The following PPP1R12B variants were observed in gnomAD, a reference collection of about 807,000 sequenced individuals.
PPP1R12B encodes the protein myosin phosphatase target subunit 2.
PPP1R12B carries 76 observed loss-of-function variants against 126.1 expected under a neutral mutation model. The observed-to-expected ratio is 0.60, with a 90% CI of 0.50 to 0.73. The LOEUF is 0.73. Among genes scored for constraint, PPP1R12B ranks in the 30% least tolerant of loss-of-function variants. The pLI is 0.00. For missense variants in PPP1R12B, 1,052 were observed against 1,205.1 expected, an observed-to-expected ratio of 0.87 and a Z score of 1.88; for synonymous variants, 356 against 434.7, an observed-to-expected ratio of 0.82 and a Z score of 2.25.
intron 18 of PPP1R12B, among the ~76,000 whole-genome samples, chr1:202,535,663 A>G (rs1392713147): frequency 3.9e-5 from 6 of 152,238 alleles, no homozygotes; most frequent in Non-Finnish European, 7.3e-5. Context: ...CCTACAAGAA[A>G]TAAAATAGAT....
At chr1:202,437,170 A>C (rs1670936735) in intron 9 of PPP1R12B, among the ~76,000 whole-genome samples, 1 of 152,044 alleles carries the variant, frequency 6.6e-6, no homozygotes, top group Non-Finnish European at 1.5e-5. Flanking sequence ...TCTCTACTAA[A>C]ATTTAGAGAA....
At chr1:202,402,848 T>C (rs1479399016) in intron 1 of PPP1R12B, among the ~76,000 whole-genome samples, 2 of 152,216 alleles carry the variant, frequency 1.3e-5, no homozygotes, top group East Asian at 1.9e-4. Context: ...TATGTAAATT[T>C]TACTTCAAAA....
At chr1:202,385,006 T>A (rs1662906567) in intron 1 of PPP1R12B, among the ~76,000 whole-genome samples, 1 of 152,276 alleles carries the variant, frequency 6.6e-6, no homozygotes, top group African/African-American at 2.4e-5. Context: ...TTTAATTGAT[T>A]ATTCTCAAAC....
chr1:202,402,437 A>T (rs546324138), intron 1 of PPP1R12B, among the ~76,000 whole-genome samples: 1 of 152,316 alleles, frequency 6.6e-6, no homozygotes, highest in African/African-American at 2.4e-5. Context: ...AGTTTGGACT[A>T]CAGGCTATGT....
intron 12 of PPP1R12B, among the ~76,000 whole-genome samples, chr1:202,443,962 C>T (rs534357441): frequency 6.6e-6 from 1 of 152,322 alleles, no homozygotes; most frequent in South Asian, 2.1e-4. Context: ...ATGATATGAG[C>T]ACTTTTTGAG....
rs373023993 is a variant in PPP1R12B, at chr1:202,421,418, C to T, written c.423-1202C>T. Among the ~76,000 whole-genome samples the T allele has an allele frequency of 5.3e-3, 797 of 150,956 alleles. 5 individuals carry two copies. Among genetic ancestry groups the T allele is most frequent in the African/African-American group, 0.018 (729 of 41,134 alleles). Reference sequence around the variant, plus strand: ...TTGGGAGGCCGAGGCGGGCGGACTACTTGAGGTCTGGAGTTCAAGACCAGC... The same window carrying T: ...TTGGGAGGCCGAGGCGGGCGGACTATTTGAGGTCTGGAGTTCAAGACCAGC... On this transcript the variant is annotated intron_variant, in intron 2 of 23. Coordinates refer to ENST00000608999, the MANE Select transcript of PPP1R12B (RefSeq NM_002481.4).
In PPP1R12B at chr1:202,582,331, C is replaced by T. The variant is rs1017222747; in HGVS notation, c.*1771C>T. Reference sequence around the variant, plus strand: ...ATACAAATCCAGTGCAAAATTAAACCATTAGTTCTTGATGATAACCTAGCA... The same window carrying T: ...ATACAAATCCAGTGCAAAATTAAACTATTAGTTCTTGATGATAACCTAGCA... On this transcript the variant is annotated 3_prime_UTR_variant, in exon 24 of 24. Transcript: ENST00000608999. 7 of 152,550 alleles carry T rather than the reference C, an allele frequency of 4.6e-5. No individual in the cohort carries two copies. Among genetic ancestry groups the T allele is most frequent in the African/African-American group, 1.7e-4 (7 of 41,400 alleles). 9.4% of individuals were successfully genotyped at this position (152,550 alleles called of 1,614,324 possible).
intron 14 of PPP1R12B, among the ~76,000 whole-genome samples, chr1:202,489,622 T>C (rs575254627): frequency 2.0e-5 from 3 of 152,318 alleles, no homozygotes; most frequent in African/African-American, 4.8e-5. Flanking sequence ...CCATATATTA[T>C]ATGATTCCAT....
chr1:202,540,049 G>A (rs1189279721), intron 18 of PPP1R12B: 14 of 1,431,456 alleles, frequency 9.8e-6, no homozygotes, highest in Non-Finnish European at 1.1e-5. Context: ...AACTCAAAAG[G>A]AGAGATTCTG....
intron 1 of PPP1R12B, among the ~76,000 whole-genome samples, chr1:202,360,649 C>T (rs1267155581): frequency 6.6e-6 from 1 of 150,494 alleles, no homozygotes; most frequent in Non-Finnish European, 1.5e-5. Flanking sequence ...GTAGAGGTTG[C>T]AGTGAGCCGA....
chr1:202,453,429 T>C (rs1673250700), intron 13 of PPP1R12B, among the ~76,000 whole-genome samples: 1 of 152,142 alleles, frequency 6.6e-6, no homozygotes, highest in Admixed American at 6.5e-5. Context: ...TTTGTCTGAT[T>C]TGGTATCAAG....
chr1:202,580,423 A>C (rs780567085), intron 23 of PPP1R12B, 51 bp from the exon 24 acceptor site: 1 of 1,491,556 alleles, frequency 6.7e-7, no homozygotes, highest in Non-Finnish European at 9.4e-7. Context: ...AGGGAGGGCC[A>C]AGGAGGATCC....
chr1:202,385,207 C>T (rs981077027), intron 1 of PPP1R12B, among the ~76,000 whole-genome samples: 1 of 152,150 alleles, frequency 6.6e-6, no homozygotes, highest in Non-Finnish European at 1.5e-5. Flanking sequence ...AGAAAATCTT[C>T]CTTAGCATCT....
At position 202,457,567 on chromosome 1, in the gene PPP1R12B, A is replaced by AG. The variant is rs1297078880; in HGVS notation, c.1850+8397dup. On this transcript the variant is annotated intron_variant, in intron 13 of 23. Coordinates refer to ENST00000608999, the MANE Select transcript of PPP1R12B (RefSeq NM_002481.4). ...GACTCCATCTCAAAAAAAAAAAAAA[A>AG]GAAAGAAAGAAAACATTTTTTCTAC... is the stretch of plus-strand genomic sequence containing the variant. Among the ~76,000 whole-genome samples the AG allele has an allele frequency of 2.6e-5, 4 of 151,586 alleles. No individual in the cohort carries two copies. The East Asian group carries it at 7.7e-4, about 29-fold the overall frequency.
At chr1:202,471,472 G>T (rs1675870534) in intron 13 of PPP1R12B, among the ~76,000 whole-genome samples, 1 of 151,430 alleles carries the variant, frequency 6.6e-6, no homozygotes, top group Non-Finnish European at 1.5e-5. Flanking sequence ...GGTCTATAGG[G>T]TAAGTGCATC....
intron 21 of PPP1R12B, among the ~76,000 whole-genome samples, chr1:202,566,421 G>A (rs1688053992): frequency 6.6e-6 from 1 of 152,198 alleles, no homozygotes. Flanking sequence ...CAGGACAGTG[G>A]AGGGAGGGCT....
chr1:202,499,262 A>AT (rs1167532807), intron 18 of PPP1R12B, among the ~76,000 whole-genome samples: 16 of 150,298 alleles, frequency 1.1e-4, no homozygotes, highest in East Asian at 1.9e-4. Flanking sequence ...GTAATATTTA[A>AT]TTTTTTTTTT....
chr1:202,567,922 C>A, intron 22 of PPP1R12B, 91 bp downstream of exon 22: 1 of 1,475,330 alleles, frequency 6.8e-7, no homozygotes, highest in Non-Finnish European at 9.4e-7. Context: ...GGAAAAAGTC[C>A]ATCTTAAGAA....
chr1:202,422,838 C>T, intron 3 of PPP1R12B, 100 bp downstream of exon 3: 1 of 1,539,536 alleles, frequency 6.5e-7, no homozygotes, highest in South Asian at 1.2e-5. Context: ...TATCACATGA[C>T]AGGAGAGGAT....
Sources: allele counts gnomAD v4.1 joint callset (sites outside exome capture counted in the v4.1 genomes callset), GRCh38; gene constraint gnomAD v4.1.1; transcripts MANE v1.5; gene names NCBI Gene and HGNC (gene_info 2026-07-23, HGNC 2026-07-21).